BICC1: variants seen among roughly 807,000 people sequenced by gnomAD.
BICC1 encodes BicC family RNA binding protein 1, also known as protein bicaudal C homolog 1.
Under a neutral mutation model 111.0 loss-of-function variants are expected in BICC1, and 43 were observed. The observed-to-expected ratio is 0.39, with a 90% CI of 0.30 to 0.50. BICC1 has a LOEUF of 0.50. BICC1 is among the 20% of genes least tolerant of loss of function. The pLI is 0.88. For synonymous variants in BICC1, 467 were observed against 434.4 expected, an observed-to-expected ratio of 1.07 and a Z score of -0.93; for missense variants, 1,091 against 1,203.2, an observed-to-expected ratio of 0.91 and a Z score of 1.38.
intron 2 of BICC1, chr10:58,650,665 C>G (rs1314127275): frequency 6.6e-6 from 1 of 152,210 alleles, no homozygotes; most frequent in East Asian, 1.9e-4. Flanking sequence ...CTTTGTGTTA[C>G]TAGCCTAGAG....
intron 2 of BICC1, among the ~76,000 whole-genome samples, chr10:58,640,572 T>C (rs1392386871): frequency 1.3e-5 from 2 of 152,208 alleles, no homozygotes; most frequent in African/African-American, 4.8e-5. Context: ...AACCCTAAGA[T>C]GGTTATTGCA....
chr10:58,613,379 G>A (rs750879834), intron 1 of BICC1, among the ~76,000 whole-genome samples: 5 of 152,178 alleles, frequency 3.3e-5, no homozygotes, highest in Non-Finnish European at 5.9e-5. Context: ...AGGAGTATCA[G>A]TGTCTAAGAT....
intron 2 of BICC1, among the ~76,000 whole-genome samples, chr10:58,699,359 C>G (rs1282102228): frequency 6.6e-6 from 1 of 152,206 alleles, no homozygotes; most frequent in Non-Finnish European, 1.5e-5. Flanking sequence ...AAGCTGTCTT[C>G]CCAACTTGAT....
chr10:58,823,502 G>C (rs1844310563), intron 20 of BICC1: 1 of 984,254 alleles, frequency 1.0e-6, no homozygotes, highest in Non-Finnish European at 1.2e-6. Flanking sequence ...GTATCGATTA[G>C]GGTTGGATTC....
chr10:58,812,027 C>T (rs1021930280), intron 17 of BICC1, among the ~76,000 whole-genome samples: 5 of 152,160 alleles, frequency 3.3e-5, no homozygotes, highest in African/African-American at 1.2e-4. Flanking sequence ...AGTGGAAATA[C>T]ATCACAGGAC....
intron 19 of BICC1, 85 bp downstream of exon 19, chr10:58,817,807 G>A: frequency 7.5e-7 from 1 of 1,328,924 alleles, no homozygotes; most frequent in Non-Finnish European, 1.0e-6. Context: ...ATTGACCTAT[G>A]AGTATGCTTT....
At chr10:58,526,501 C>T (rs1380293693) in intron 1 of BICC1, among the ~76,000 whole-genome samples, 1 of 151,722 alleles carries the variant, frequency 6.6e-6, no homozygotes, top group African/African-American at 2.4e-5. Flanking sequence ...TAACTCATCA[C>T]ATGTGTCATA....
chr10:58,711,806 T>TG (rs199707474), intron 3 of BICC1, among the ~76,000 whole-genome samples: 416 of 32,640 alleles, frequency 0.013, 3 homozygotes, highest in African/African-American at 0.025. Flanking sequence ...GTTTTTTTTT[T>TG]TGTTTTTTTT....
chr10:58,729,470 G>A (rs1289267634), intron 3 of BICC1, among the ~76,000 whole-genome samples: 2 of 152,138 alleles, frequency 1.3e-5, no homozygotes, highest in Admixed American at 6.5e-5. Flanking sequence ...AGGCTTTGTT[G>A]TGGCTTCTTA....
chr10:58,700,541 C>T (rs749263185), intron 2 of BICC1, among the ~76,000 whole-genome samples: 4 of 152,180 alleles, frequency 2.6e-5, no homozygotes, highest in African/African-American at 4.8e-5. Context: ...GTAACGAGCT[C>T]ACCTGCCTTC....
intron 2 of BICC1, among the ~76,000 whole-genome samples, chr10:58,638,011 A>T (rs1317637080): frequency 1.3e-5 from 2 of 152,154 alleles, no homozygotes; most frequent in Non-Finnish European, 2.9e-5. Flanking sequence ...TGGATGTAGG[A>T]TGTAGTGGAA....
At chr10:58,814,683 C>G (rs1364066169) in intron 18 of BICC1, among the ~76,000 whole-genome samples, 3 of 150,776 alleles carry the variant, frequency 2.0e-5, no homozygotes, top group Admixed American at 1.3e-4. Context: ...TAGTCTTAGC[C>G]TACGTGGGAG....
chr10:58,531,347 T>C (rs1842676987), intron 1 of BICC1, among the ~76,000 whole-genome samples: 1 of 151,822 alleles, frequency 6.6e-6, no homozygotes, highest in Admixed American at 6.6e-5. Flanking sequence ...CTTTGTCTGG[T>C]TGTGAAATTA....
At chr10:58,822,303 C>G (rs1166711313) in intron 20 of BICC1, among the ~76,000 whole-genome samples, 1 of 151,946 alleles carries the variant, frequency 6.6e-6, no homozygotes, top group Non-Finnish European at 1.5e-5. Flanking sequence ...TGTCCCAACC[C>G]AATTCTGAAT....
intron 3 of BICC1, among the ~76,000 whole-genome samples, chr10:58,758,958 TTTA>T: frequency 6.6e-6 from 1 of 150,828 alleles, no homozygotes; most frequent in South Asian, 2.1e-4. Flanking sequence ...TATTTATTTA[TTTA>T]TTTATTTATT....
At chr10:58,519,932 T>G (rs1842346304) in intron 1 of BICC1, among the ~76,000 whole-genome samples, 1 of 152,136 alleles carries the variant, frequency 6.6e-6, no homozygotes, top group African/African-American at 2.4e-5. Flanking sequence ...CTGTCCTCCC[T>G]CCTCCCACTG....
intron 1 of BICC1, among the ~76,000 whole-genome samples, chr10:58,554,857 T>A (rs1251004583): frequency 8.7e-6 from 1 of 115,058 alleles, no homozygotes; most frequent in East Asian, 2.7e-4. Flanking sequence ...TAATAAATTC[T>A]GTTATATATA....
intron 3 of BICC1, among the ~76,000 whole-genome samples, chr10:58,741,578 A>G (rs780966357): frequency 3.9e-5 from 6 of 152,138 alleles, no homozygotes; most frequent in Non-Finnish European, 7.4e-5. Flanking sequence ...CTCAAAAACT[A>G]TTTGTTAGTT....
chr10:58,519,123 C>A (rs1842325531), intron 1 of BICC1, among the ~76,000 whole-genome samples: 1 of 152,140 alleles, frequency 6.6e-6, no homozygotes, highest in Non-Finnish European at 1.5e-5. Context: ...GCATCAGGAG[C>A]CCCGTGTCTT....
Sources: allele counts gnomAD v4.1 joint callset (sites outside exome capture counted in the v4.1 genomes callset), GRCh38; gene constraint gnomAD v4.1.1; transcripts MANE v1.5; gene names NCBI Gene and HGNC (gene_info 2026-07-23, HGNC 2026-07-21).